EVI5: variants seen among roughly 807,000 people sequenced by gnomAD.
The protein encoded by EVI5 is ecotropic viral integration site 5 protein homolog.
A neutral mutation model predicts 112.0 loss-of-function variants in EVI5; 73 were observed. That is an observed-to-expected ratio of 0.65 (90% CI 0.54 to 0.79). The LOEUF (loss-of-function observed/expected upper bound fraction) is 0.79, where lower values mean the gene tolerates loss of function less well. Among genes scored for constraint, EVI5 ranks in the 30% least tolerant of loss-of-function variants. The pLI, the probability that EVI5 is intolerant of heterozygous loss-of-function variation, is 0.00. For synonymous variants in EVI5, 305 were observed against 319.9 expected (o/e 0.95, Z 0.50); for missense variants, 900 against 968.8 (o/e 0.93, Z 0.94).
At chr1:92,746,261 A>G (rs1392067059) in intron 1 of EVI5, among the ~76,000 whole-genome samples, 1 of 152,228 alleles carries the variant, frequency 6.6e-6, no homozygotes, top group Non-Finnish European at 1.5e-5. Flanking sequence ...TCTTTGCTCA[A>G]TTAAACTCTG....
At chr1:92,606,924 C>CACA (rs1557886813) in intron 17 of EVI5, among the ~76,000 whole-genome samples, 13,176 of 91,316 alleles carry the variant, frequency 0.14, 759 homozygotes, top group Middle Eastern at 0.19. Flanking sequence ...ACACACACAC[C>CACA]CCCCCAAACC....
At chr1:92,668,757 A>C (rs1665348018) in intron 10 of EVI5, among the ~76,000 whole-genome samples, 1 of 152,182 alleles carries the variant, frequency 6.6e-6, no homozygotes, top group Non-Finnish European at 1.5e-5. Flanking sequence ...GTTAATACAG[A>C]CCATTTCAGG....
chr1:92,743,122 G>A (rs1425425414), intron 1 of EVI5, among the ~76,000 whole-genome samples: 2 of 152,260 alleles, frequency 1.3e-5, no homozygotes, highest in African/African-American at 4.8e-5. Flanking sequence ...GGAGGCTGAG[G>A]TGGGCGGATC....
chr1:92,623,813 T>C (rs1044543949), intron 16 of EVI5, among the ~76,000 whole-genome samples: 1 of 152,216 alleles, frequency 6.6e-6, no homozygotes, highest in East Asian at 1.9e-4. Context: ...CTACAACGCA[T>C]GGACCAGCTC....
intron 18 of EVI5, among the ~76,000 whole-genome samples, chr1:92,598,478 T>C (rs1374552952): frequency 6.6e-6 from 1 of 152,260 alleles, no homozygotes; most frequent in Admixed American, 6.5e-5. Flanking sequence ...GTAACTAGAA[T>C]AGGAATGTTA....
At chr1:92,649,594 T>A (rs1661706616) in intron 13 of EVI5, among the ~76,000 whole-genome samples, 1 of 152,144 alleles carries the variant, frequency 6.6e-6, no homozygotes, top group Non-Finnish European at 1.5e-5. Context: ...GGCAGGCAGA[T>A]CGCTTGAGTT....
intron 1 of EVI5, among the ~76,000 whole-genome samples, chr1:92,739,294 C>G (rs201197172): frequency 2.0e-5 from 1 of 50,162 alleles, no homozygotes; most frequent in Admixed American, 1.7e-4. Context: ...AAAAAAAAAG[C>G]GAACACACTT....
intron 13 of EVI5, among the ~76,000 whole-genome samples, chr1:92,651,717 G>A (rs1662129189): frequency 7.7e-6 from 1 of 130,456 alleles, no homozygotes; most frequent in Non-Finnish European, 1.6e-5. Flanking sequence ...CAGGCGTAGT[G>A]GCGGGCGCCT....
chr1:92,727,800 G>C (rs1675803386), intron 2 of EVI5, among the ~76,000 whole-genome samples: 1 of 151,976 alleles, frequency 6.6e-6, no homozygotes, highest in African/African-American at 2.4e-5. Flanking sequence ...AGGATTGCTT[G>C]AATCCGGGAG....
At chr1:92,646,465 A>G (rs1660985300) in intron 13 of EVI5, among the ~76,000 whole-genome samples, 3 of 152,202 alleles carry the variant, frequency 2.0e-5, no homozygotes, top group Admixed American at 6.5e-5. Context: ...TACCGTTTGT[A>G]GAAACAAGAC....
intron 19 of EVI5, among the ~76,000 whole-genome samples, chr1:92,551,818 ATAGT>A (rs1285535925): frequency 1.3e-5 from 2 of 152,006 alleles, no homozygotes; most frequent in Non-Finnish European, 2.9e-5. Flanking sequence ...TACAGGCTTG[ATAGT>A]TAGCTCCATT....
intron 18 of EVI5, among the ~76,000 whole-genome samples, chr1:92,585,485 T>G (rs1395709077): frequency 1.3e-5 from 2 of 152,090 alleles, no homozygotes; most frequent in Non-Finnish European, 2.9e-5. Context: ...CAAGACACTC[T>G]CCCTCTCTTA....
chr1:92,633,847 C>T (rs1489103547), intron 14 of EVI5, among the ~76,000 whole-genome samples: 1 of 152,148 alleles, frequency 6.6e-6, no homozygotes, highest in South Asian at 2.1e-4. Context: ...TTTAGTGCTT[C>T]CTTCAGGAGC....
At chr1:92,697,769 C>T (rs982135403) in intron 6 of EVI5, 91 bp downstream of exon 6, 14 of 1,044,366 alleles carry the variant, frequency 1.3e-5, no homozygotes, top group African/African-American at 4.8e-5. Flanking sequence ...TGCTTTAATG[C>T]TTTTAACATT....
chr1:92,548,754 A>T (rs1666255158), intron 19 of EVI5, among the ~76,000 whole-genome samples: 2 of 152,212 alleles, frequency 1.3e-5, no homozygotes, highest in Non-Finnish European at 2.9e-5. Flanking sequence ...CTATTGCTTC[A>T]AAGAGAATAA....
chr1:92,541,593 C>T (rs1664810045), intron 19 of EVI5, among the ~76,000 whole-genome samples: 1 of 152,094 alleles, frequency 6.6e-6, no homozygotes, highest in African/African-American at 2.4e-5. Context: ...ACCATATGAC[C>T]CAGTAATTCC....
chr1:92,632,686 C>T lies in EVI5; in HGVS notation c.1527+3516G>A, dbSNP rs529778270. Reference sequence around the variant, plus strand: ...GTCTCTATTTCCTTCAGTTCTGCTCCGATCTTAGTTATTTCTTGCCTTCTG... The same window carrying T: ...GTCTCTATTTCCTTCAGTTCTGCTCTGATCTTAGTTATTTCTTGCCTTCTG... On this transcript the variant is annotated intron_variant, in intron 14 of 19. Transcript: ENST00000684568. Among the ~76,000 whole-genome samples the T allele has an allele frequency of 6.6e-4, 100 of 152,080 alleles. No homozygotes were observed. The South Asian group carries it at 9.8e-3, about 15-fold the overall frequency.
At chr1:92,584,843 G>C (rs1672527791) in intron 18 of EVI5, among the ~76,000 whole-genome samples, 2 of 152,174 alleles carry the variant, frequency 1.3e-5, no homozygotes, top group African/African-American at 4.8e-5. Flanking sequence ...TATTTGGCTA[G>C]TATTTTTCAG....
At chr1:92,734,011 C>G (rs1184721607) in intron 2 of EVI5, among the ~76,000 whole-genome samples, 1 of 152,158 alleles carries the variant, frequency 6.6e-6, no homozygotes, top group Non-Finnish European at 1.5e-5. Context: ...ACACATGTAC[C>G]ATATTTGCTT....
Sources: gnomAD v4.1 joint callset for allele counts (sites outside exome capture counted in the v4.1 genomes callset) on GRCh38, gnomAD v4.1.1 for gene constraint, MANE v1.5 for transcripts, NCBI Gene and HGNC (gene_info 2026-07-23, HGNC 2026-07-21) for gene names.